PACSIN2: variants seen among roughly 807,000 people sequenced by gnomAD.
PACSIN2 encodes protein kinase C and casein kinase substrate in neurons 2.
In PACSIN2, 25 loss-of-function variants were observed where a neutral mutation model predicts 63.8. That is an observed-to-expected ratio of 0.39 (90% CI 0.29 to 0.55). The LOEUF (loss-of-function observed/expected upper bound fraction) is 0.55, where lower values mean the gene tolerates loss of function less well. PACSIN2 is among the 20% of genes least tolerant of loss of function. The probability of loss-of-function intolerance (pLI) is 0.62; values close to 1 mark genes in which losing one functional copy is unlikely to be tolerated. For synonymous variants in PACSIN2, 255 were observed against 256.2 expected, an observed-to-expected ratio of 1.00 and a Z score of 0.05; for missense variants, 518 against 646.9, an observed-to-expected ratio of 0.80 and a Z score of 2.16.
intron 2 of PACSIN2, among the ~76,000 whole-genome samples, chr22:42,899,768 C>T (rs989949096): frequency 2.0e-5 from 3 of 152,170 alleles, no homozygotes; most frequent in Non-Finnish European, 2.9e-5. Context: ...CAGGTAAGCA[C>T]GGGGCCCAGC....
chr22:42,893,611 G>C lies in PACSIN2; in HGVS notation c.63C>G (p.Val21=), dbSNP rs747372301. The change falls in exon 3 of 11, where the codon GTC becomes GTG. Residue 21 remains valine (V), a splice_region_variant and synonymous_variant. Transcript: ENST00000263246. Reference sequence around the variant, plus strand: ...GCTTCACAGTCCGCTTGTAGTTCCCGACCTAGGAGAGAGAACCAGCTGGGA... The same window carrying C: ...GCTTCACAGTCCGCTTGTAGTTCCCCACCTAGGAGAGAGAACCAGCTGGGA... ...VEVSSDSFWE[V]GNYKRTVKRI... is the part of the protein sequence containing the mutation. 6.2e-7 allele frequency: 1 copy of C among 1,611,780 alleles called. No individual in the cohort carries two copies. The highest frequency in any genetic ancestry group is 8.5e-7 in the Non-Finnish European group (1 of 1,178,100).
intron 1 of PACSIN2, among the ~76,000 whole-genome samples, chr22:42,977,112 T>A (rs530191988): frequency 6.6e-6 from 1 of 152,226 alleles, no homozygotes; most frequent in Admixed American, 6.5e-5. Context: ...ATTACATTCA[T>A]ATGAGACTGA....
intron 1 of PACSIN2, among the ~76,000 whole-genome samples, chr22:43,010,889 T>C (rs1924445582): frequency 6.6e-6 from 1 of 152,242 alleles, no homozygotes; most frequent in Non-Finnish European, 1.5e-5. Context: ...ATTTGTTTTA[T>C]GTGTGCTTTT....
At chr22:42,911,442 T>C (rs2146720146) in intron 2 of PACSIN2, among the ~76,000 whole-genome samples, 1 of 148,978 alleles carries the variant, frequency 6.7e-6, no homozygotes, top group African/African-American at 2.5e-5. Context: ...GACTTTCCAT[T>C]AACTAGCAGG....
chr22:42,881,985 G>A (rs551439489), intron 7 of PACSIN2, among the ~76,000 whole-genome samples, 199 bp downstream of exon 7: 2 of 152,386 alleles, frequency 1.3e-5, no homozygotes, highest in South Asian at 4.1e-4. Flanking sequence ...GAGAGGTTCA[G>A]AAGGCCTTCG....
At chr22:42,962,774 G>GCGGGGC (rs1400013700) in intron 1 of PACSIN2, among the ~76,000 whole-genome samples, 1 of 122,010 alleles carries the variant, frequency 8.2e-6, no homozygotes, top group African/African-American at 3.6e-5. Flanking sequence ...CAAGGTGTGG[G>GCGGGGC]CGGGGGGGGG....
chr22:42,891,525 C>T (rs1161152803), intron 3 of PACSIN2, among the ~76,000 whole-genome samples: 3 of 152,096 alleles, frequency 2.0e-5, no homozygotes, highest in East Asian at 3.9e-4. Context: ...CTCAGCCTCC[C>T]GAGTAGCTGG....
At chr22:42,939,036 G>C (rs1486396043) in intron 1 of PACSIN2, among the ~76,000 whole-genome samples, 1 of 152,160 alleles carries the variant, frequency 6.6e-6, no homozygotes, top group Non-Finnish European at 1.5e-5. Context: ...AACCACCTGG[G>C]CTATCAGAAT....
intron 1 of PACSIN2, among the ~76,000 whole-genome samples, chr22:42,986,552 T>C (rs1229624896): frequency 2.0e-5 from 3 of 152,178 alleles, no homozygotes; most frequent in Non-Finnish European, 2.9e-5. Flanking sequence ...TTTGGGGCCC[T>C]GCACGCTGCT....
intron 1 of PACSIN2, among the ~76,000 whole-genome samples, chr22:42,955,389 C>T (rs749501402): frequency 2.6e-5 from 4 of 152,066 alleles, no homozygotes; most frequent in African/African-American, 4.8e-5. Context: ...AGTGATCTAA[C>T]GGATGGCTGG....
intron 1 of PACSIN2, among the ~76,000 whole-genome samples, chr22:42,948,341 T>C (rs1352492487): frequency 6.6e-6 from 1 of 152,206 alleles, no homozygotes; most frequent in Non-Finnish European, 1.5e-5. Context: ...TAGAATGTCC[T>C]GATAAAAGCC....
intron 9 of PACSIN2, 30 bp downstream of exon 9, chr22:42,876,858 T>C (rs1409885554): frequency 1.9e-6 from 3 of 1,613,464 alleles, no homozygotes; most frequent in African/African-American, 2.7e-5. Context: ...GTGAGCGCGG[T>C]GGGAGCAGAG....
At chr22:42,879,223 C>G (rs1480102559) in intron 7 of PACSIN2, 54 bp from the exon 8 acceptor site, 3 of 1,582,752 alleles carry the variant, frequency 1.9e-6, no homozygotes, top group Non-Finnish European at 2.6e-6. Context: ...TTGCTGGAAG[C>G]CACGTCTGTC....
At chr22:42,879,739 G>A (rs558987131) in intron 7 of PACSIN2, among the ~76,000 whole-genome samples, 1 of 152,300 alleles carries the variant, frequency 6.6e-6, no homozygotes, top group African/African-American at 2.4e-5. Context: ...TGGAAAGGCA[G>A]GTGCAAATAA....
chr22:42,880,917 C>T (rs1180784147), intron 7 of PACSIN2, among the ~76,000 whole-genome samples: 2 of 152,228 alleles, frequency 1.3e-5, no homozygotes, highest in African/African-American at 2.4e-5. Flanking sequence ...GTGTCTGAAA[C>T]CCCAGCTGTG....
intron 1 of PACSIN2, among the ~76,000 whole-genome samples, chr22:42,934,900 T>TTTCTTTCCTCTTTCTTTTC (rs143037485): frequency 1.4e-5 from 1 of 71,964 alleles, no homozygotes; most frequent in Non-Finnish European, 4.5e-5. Context: ...CTTTCTTTTC[T>TTTCTTTCCTCTTTCTTTTC]TTTCTTTCTT....
intron 1 of PACSIN2, among the ~76,000 whole-genome samples, chr22:42,984,920 C>T (rs1335790835): frequency 4.6e-5 from 7 of 152,308 alleles, no homozygotes; most frequent in African/African-American, 1.7e-4. Flanking sequence ...GGCCCCACCC[C>T]TAGTTTTTCT....
intron 1 of PACSIN2, among the ~76,000 whole-genome samples, chr22:42,993,418 A>G (rs932862262): frequency 2.1e-4 from 32 of 152,214 alleles, no homozygotes; most frequent in African/African-American, 7.7e-4. Context: ...CCTGTTCATT[A>G]TAACTCAATA....
chr22:42,908,121 A>G (rs1171292031), intron 2 of PACSIN2, among the ~76,000 whole-genome samples: 1 of 152,224 alleles, frequency 6.6e-6, no homozygotes, highest in Non-Finnish European at 1.5e-5. Flanking sequence ...TGTACCCACA[A>G]GATAGTGCAC....
Sources: gnomAD v4.1 joint callset for allele counts (sites outside exome capture counted in the v4.1 genomes callset) on GRCh38, gnomAD v4.1.1 for gene constraint, MANE v1.5 for transcripts, NCBI Gene and HGNC (gene_info 2026-07-23, HGNC 2026-07-21) for gene names.